Variants in SCAPER observed in about 807,000 individuals in gnomAD.
SCAPER encodes S phase cyclin A-associated protein in the endoplasmic reticulum.
In SCAPER, 98 loss-of-function variants were observed where a neutral mutation model predicts 182.2. The observed-to-expected ratio is 0.54, with a 90% CI of 0.46 to 0.64. The LOEUF is 0.64. Among genes scored for constraint, SCAPER ranks in the 30% least tolerant of loss-of-function variants. The probability of loss-of-function intolerance (pLI) is 0.00; values close to 1 mark genes in which losing one functional copy is unlikely to be tolerated. For missense variants in SCAPER, 1,432 were observed against 1,690.0 expected, an observed-to-expected ratio of 0.85 and a Z score of 2.68; for synonymous variants, 605 against 564.6, an observed-to-expected ratio of 1.07 and a Z score of -1.01.
intron 23 of SCAPER, among the ~76,000 whole-genome samples, chr15:76,537,649 T>C (rs1258307149): frequency 2.0e-5 from 3 of 152,012 alleles, no homozygotes; most frequent in African/African-American, 7.2e-5. Flanking sequence ...ATTCAGGACA[T>C]AGGCATGGGC....
chr15:76,645,867 T>C (rs927709063), intron 21 of SCAPER, among the ~76,000 whole-genome samples: 3 of 152,138 alleles, frequency 2.0e-5, no homozygotes, highest in Non-Finnish European at 4.4e-5. Flanking sequence ...GTTAAAAATA[T>C]TTAAAAATTA....
chr15:76,425,668 T>C (rs570275985), intron 26 of SCAPER, among the ~76,000 whole-genome samples: 4 of 152,362 alleles, frequency 2.6e-5, no homozygotes, highest in African/African-American at 7.2e-5. Context: ...AGGAGCTGCG[T>C]TCCTTTGGAG....
At chr15:76,813,761 G>A (rs2066854730) in intron 5 of SCAPER, among the ~76,000 whole-genome samples, 1 of 152,186 alleles carries the variant, frequency 6.6e-6, no homozygotes, top group South Asian at 2.1e-4. Context: ...AACCAAGGAA[G>A]TGCAAGATCT....
intron 6 of SCAPER, among the ~76,000 whole-genome samples, chr15:76,801,482 G>A (rs1471850610): frequency 6.6e-6 from 1 of 152,026 alleles, no homozygotes; most frequent in Non-Finnish European, 1.5e-5. Flanking sequence ...TAAATCTCCA[G>A]GCTAGCCAAA....
chr15:76,685,470 G>T (rs2057987246), intron 20 of SCAPER, among the ~76,000 whole-genome samples: 1 of 152,024 alleles, frequency 6.6e-6, no homozygotes, highest in Non-Finnish European at 1.5e-5. Context: ...ATATGAGCTT[G>T]ATATGCAAAA....
intron 21 of SCAPER, among the ~76,000 whole-genome samples, chr15:76,637,756 G>A (rs1282010174): frequency 0.36 from 39,880 of 109,620 alleles, 7,967 homozygotes; most frequent in Admixed American, 0.49. Flanking sequence ...GTGTGTGTGT[G>A]TGTGTGTGTG....
chr15:76,858,170 T>C (rs949453112), intron 3 of SCAPER, among the ~76,000 whole-genome samples: 1 of 152,220 alleles, frequency 6.6e-6, no homozygotes, highest in Non-Finnish European at 1.5e-5. Flanking sequence ...TCAGATACTC[T>C]GACAACTTTT....
intron 21 of SCAPER, among the ~76,000 whole-genome samples, chr15:76,642,222 A>G (rs750362655): frequency 2.6e-5 from 4 of 152,312 alleles, no homozygotes; most frequent in South Asian, 2.1e-4. Context: ...TACCTTGATT[A>G]TCCACGTTTT....
intron 22 of SCAPER, among the ~76,000 whole-genome samples, chr15:76,577,546 G>A (rs532850349): frequency 3.5e-4 from 53 of 152,286 alleles, no homozygotes; most frequent in Non-Finnish European, 6.5e-4. Context: ...GAATCCTGAG[G>A]CTCCCATTCC....
At chr15:76,349,378 G>A (rs762047585) in intron 31 of SCAPER, 1 of 152,060 alleles carries the variant, frequency 6.6e-6, no homozygotes, top group African/African-American at 2.4e-5. Context: ...TTCAAATATA[G>A]CACAGCCTAT....
chr15:76,723,076 A>G (rs1046100928), intron 17 of SCAPER, among the ~76,000 whole-genome samples: 1 of 151,318 alleles, frequency 6.6e-6, no homozygotes, highest in Non-Finnish European at 1.5e-5. Context: ...AGGGCTATAA[A>G]TTTCCCTCTA....
rs535031791 is a variant in SCAPER, at chr15:76,749,652, CAAAAT to C, written c.1866+4151_1866+4155del. Among the ~76,000 whole-genome samples the C allele has an allele frequency of 1.2e-3, 189 of 151,940 alleles. 1 individual carries two copies. The Middle Eastern group carries it at 0.02, about 16-fold the overall frequency. ...AGCAATCAACAGAAAAAAATTAAAA[CAAAAT>C]ATCATTGAATATACCATCAAACATA... On this transcript the variant is annotated intron_variant, in intron 15 of 31. Coordinates refer to ENST00000563290, the MANE Select transcript of SCAPER (RefSeq NM_020843.4).
chr15:76,479,814 AC>A (rs1391044509), intron 24 of SCAPER, among the ~76,000 whole-genome samples: 3 of 152,204 alleles, frequency 2.0e-5, no homozygotes, highest in Non-Finnish European at 4.4e-5. Context: ...ATTGTCATAC[AC>A]CTGTGTCAAG....
chr15:76,630,374 C>CT (rs1461428127), intron 21 of SCAPER, among the ~76,000 whole-genome samples: 1 of 151,934 alleles, frequency 6.6e-6, no homozygotes, highest in African/African-American at 2.4e-5. Flanking sequence ...TTCTCTAGTT[C>CT]TTTTAGTTGT....
At chr15:76,760,954 T>G (rs2062743503) in intron 14 of SCAPER, among the ~76,000 whole-genome samples, 1 of 152,222 alleles carries the variant, frequency 6.6e-6, no homozygotes, top group Non-Finnish European at 1.5e-5. Context: ...CCTTTATATG[T>G]TTCATAGAAT....
At chr15:76,703,426 T>C (rs1040180863) in intron 18 of SCAPER, among the ~76,000 whole-genome samples, 2 of 152,132 alleles carry the variant, frequency 1.3e-5, no homozygotes, top group African/African-American at 4.8e-5. Flanking sequence ...CCATGGGAAA[T>C]GTTAACCTAC....
At chr15:76,865,507 G>A (rs572804761) in intron 2 of SCAPER, among the ~76,000 whole-genome samples, 6 of 152,144 alleles carry the variant, frequency 3.9e-5, no homozygotes, top group Non-Finnish European at 5.9e-5. Flanking sequence ...TTTGAGTTTC[G>A]TCATAAAGGA....
At chr15:76,815,248 C>T (rs1432278259) in intron 5 of SCAPER, among the ~76,000 whole-genome samples, 1 of 152,076 alleles carries the variant, frequency 6.6e-6, no homozygotes, top group African/African-American at 2.4e-5. Context: ...CCCAAAAATC[C>T]CTCTTCTGAG....
intron 20 of SCAPER, among the ~76,000 whole-genome samples, chr15:76,674,836 G>A (rs2057270637): frequency 6.6e-6 from 1 of 152,002 alleles, no homozygotes; most frequent in Non-Finnish European, 1.5e-5. Flanking sequence ...TATATATTTT[G>A]TGTGTATTTA....
Sources: allele counts gnomAD v4.1 joint callset (sites outside exome capture counted in the v4.1 genomes callset), GRCh38; gene constraint gnomAD v4.1.1; transcripts MANE v1.5; gene names NCBI Gene and HGNC (gene_info 2026-07-23, HGNC 2026-07-21).